LRRN1: variants seen among roughly 807,000 people sequenced by gnomAD.
The protein encoded by LRRN1 is leucine-rich repeat neuronal protein 1.
In LRRN1, 14 loss-of-function variants were observed where a neutral mutation model predicts 45.8. The ratio of observed to expected loss-of-function variants is 0.31; its 90% confidence interval spans 0.20 to 0.48. The LOEUF (loss-of-function observed/expected upper bound fraction) is 0.48, where lower values mean the gene tolerates loss of function less well. LRRN1 is among the 20% of genes least tolerant of loss of function. The probability of loss-of-function intolerance (pLI) is 0.99; values close to 1 mark genes in which losing one functional copy is unlikely to be tolerated. For missense variants in LRRN1, 789 were observed against 874.2 expected, an observed-to-expected ratio of 0.90 and a Z score of 1.23; for synonymous variants, 359 against 330.1, an observed-to-expected ratio of 1.09 and a Z score of -0.95.
At chr3:3,835,847 C>T (rs1693498115) in intron 1 of LRRN1, among the ~76,000 whole-genome samples, 2 of 151,902 alleles carry the variant, frequency 1.3e-5, no homozygotes, top group African/African-American at 4.8e-5. Flanking sequence ...AACAGAGTGT[C>T]CCAAACATAT....
At chr3:3,841,213 C>T (rs1159619404) in intron 1 of LRRN1, among the ~76,000 whole-genome samples, 3 of 149,762 alleles carry the variant, frequency 2.0e-5, no homozygotes, top group Non-Finnish European at 2.9e-5. Context: ...ATTGCTTAAA[C>T]CCGGGAGGCA....
At chr3:3,826,856 T>C (rs1302174902) in intron 1 of LRRN1, among the ~76,000 whole-genome samples, 2 of 152,162 alleles carry the variant, frequency 1.3e-5, no homozygotes, top group Non-Finnish European at 2.9e-5. Context: ...CCCTCTTTCC[T>C]TCCCAAGAGG....
intron 1 of LRRN1, among the ~76,000 whole-genome samples, chr3:3,800,234 C>G (rs1692617597): frequency 6.6e-6 from 1 of 150,970 alleles, no homozygotes; most frequent in Non-Finnish European, 1.5e-5. Context: ...GCCGAGCCTG[C>G]TGGATTTCAG....
At chr3:3,829,977 C>A (rs561463217) in intron 1 of LRRN1, among the ~76,000 whole-genome samples, 2 of 152,270 alleles carry the variant, frequency 1.3e-5, no homozygotes, top group East Asian at 1.9e-4. Context: ...CTGCTGCTGG[C>A]AAATTGGGCA....
chr3:3,824,328 A>T (rs1484004814), intron 1 of LRRN1, among the ~76,000 whole-genome samples: 2 of 152,132 alleles, frequency 1.3e-5, no homozygotes, highest in African/African-American at 2.4e-5. Flanking sequence ...TAATTATTTT[A>T]AAAATCTATG....
At position 3,820,360 on chromosome 3, in the gene LRRN1, A is replaced by G. The variant is rs200825184; in HGVS notation, c.-279+20441A>G. Among the ~76,000 whole-genome samples, 6 of 152,206 alleles carry G rather than the reference A, an allele frequency of 3.9e-5. No individual in the cohort carries two copies. The East Asian group carries it at 9.6e-4, about 24-fold the overall frequency. ...GCCCTGTCTAGCAAATTTGCCATCA[A>G]AAGCTCTTAATTTCTAAAAAGTTTC... On this transcript the variant is annotated intron_variant, in intron 1 of 1. Transcript: ENST00000319331.
At chr3:3,809,959 A>G (rs1473992766) in intron 1 of LRRN1, among the ~76,000 whole-genome samples, 1 of 152,192 alleles carries the variant, frequency 6.6e-6, no homozygotes, top group African/African-American at 2.4e-5. Context: ...ATTTTAAGGG[A>G]CAAGAAGACT....
At chr3:3,841,192 A>G (rs1354354435) in intron 1 of LRRN1, among the ~76,000 whole-genome samples, 2 of 151,526 alleles carry the variant, frequency 1.3e-5, no homozygotes, top group Non-Finnish European at 2.9e-5. Flanking sequence ...TCACAAGGCT[A>G]AGGCAGGAGA....
Position 3,799,565 on chromosome 3 carries a change from A to G in LRRN1, c.-633A>G, listed in dbSNP as rs1172047050. The G allele has an allele frequency of 6.6e-6, 1 of 152,038 alleles. No homozygotes were observed. Among genetic ancestry groups the G allele is most frequent in the Non-Finnish European group, 1.5e-5 (1 of 68,020 alleles). 9.4% of individuals were successfully genotyped at this position (152,038 alleles called of 1,614,324 possible). A position where few individuals can be genotyped will look rare whatever the true frequency, so the allele number is the denominator to read the frequency against. On this transcript the variant is annotated 5_prime_UTR_variant, in exon 1 of 2. Coordinates refer to ENST00000319331, the MANE Select transcript of LRRN1 (RefSeq NM_020873.7). ...CGTCAGCCCGGGCGGCGGCATCCCT[A>G]GGCGCCTGGGGCGCCTTCCTCCGGA... is the stretch of plus-strand genomic sequence containing the variant.
At chr3:3,828,132 T>TTA (rs3043963) in intron 1 of LRRN1, among the ~76,000 whole-genome samples, 357 of 145,310 alleles carry the variant, frequency 2.5e-3, no homozygotes, top group African/African-American at 5.3e-3. Context: ...AGGGACAGAA[T>TTA]TATATATATA....
intron 1 of LRRN1, among the ~76,000 whole-genome samples, chr3:3,808,935 G>A (rs1233477235): frequency 2.6e-5 from 4 of 152,018 alleles, no homozygotes; most frequent in Non-Finnish European, 4.4e-5. Flanking sequence ...AAATGGATGA[G>A]AATGCATAGT....
chr3:3,834,451 T>G (rs1693441311), intron 1 of LRRN1, among the ~76,000 whole-genome samples: 1 of 139,124 alleles, frequency 7.2e-6, no homozygotes, highest in Non-Finnish European at 1.5e-5. Flanking sequence ...ACTCCATCCT[T>G]TAATATTCTG....
intron 1 of LRRN1, among the ~76,000 whole-genome samples, chr3:3,812,032 A>G (rs560718086): frequency 1.3e-5 from 2 of 152,304 alleles, no homozygotes; most frequent in East Asian, 1.9e-4. Context: ...TAGGGCTGCT[A>G]TGAGAATGTA....
rs1008316639 is a variant in LRRN1, at chr3:3,799,442, G to C, written c.-756G>C. 4 of 151,914 alleles carry C rather than the reference G, an allele frequency of 2.6e-5. No homozygotes were observed. The highest frequency in any genetic ancestry group is 9.7e-5 in the African/African-American group (4 of 41,392). 9.4% of individuals were successfully genotyped at this position (151,914 alleles called of 1,614,324 possible). Reference sequence around the variant, plus strand: ...ACGCCGGCTGCGGGGAGCACAAAGCGGGGCGCACCGCGGGCGCCGGCAACG... The same window carrying C: ...ACGCCGGCTGCGGGGAGCACAAAGCCGGGCGCACCGCGGGCGCCGGCAACG... On this transcript the variant is annotated 5_prime_UTR_variant, in exon 1 of 2. Transcript: ENST00000319331.
At chr3:3,806,895 G>A (rs1210799327) in intron 1 of LRRN1, among the ~76,000 whole-genome samples, 1 of 152,142 alleles carries the variant, frequency 6.6e-6, no homozygotes, top group Non-Finnish European at 1.5e-5. Flanking sequence ...CCTCTTCCCA[G>A]CACAAGTTGA....
chr3:3,828,341 T>G (rs566458145), intron 1 of LRRN1, among the ~76,000 whole-genome samples: 1 of 151,822 alleles, frequency 6.6e-6, no homozygotes, highest in South Asian at 2.1e-4. Context: ...GGGAGAAAGA[T>G]GTAGGCTAGG....
intron 1 of LRRN1, among the ~76,000 whole-genome samples, chr3:3,837,386 A>G (rs1261326746): frequency 1.3e-5 from 2 of 152,014 alleles, no homozygotes; most frequent in South Asian, 2.1e-4. Flanking sequence ...AAGGACCACA[A>G]CCAACCCCAC....
chr3:3,805,468 A>T (rs1350685929), intron 1 of LRRN1, among the ~76,000 whole-genome samples: 3 of 152,198 alleles, frequency 2.0e-5, no homozygotes. Flanking sequence ...TAATGACTCA[A>T]TGTCTGACCT....
intron 1 of LRRN1, among the ~76,000 whole-genome samples, chr3:3,802,468 C>T (rs1225244186): frequency 2.0e-5 from 3 of 152,190 alleles, no homozygotes; most frequent in African/African-American, 4.8e-5. Context: ...CCCCAACCCC[C>T]GCCAGAAAAA....
Sources: gnomAD v4.1 joint callset for allele counts (sites outside exome capture counted in the v4.1 genomes callset) on GRCh38, gnomAD v4.1.1 for gene constraint, MANE v1.5 for transcripts, NCBI Gene and HGNC (gene_info 2026-07-23, HGNC 2026-07-21) for gene names.